Variants in MAOB observed in about 807,000 individuals in gnomAD.
The protein encoded by MAOB is amine oxidase [flavin-containing] B.
MAOB carries 15 observed loss-of-function variants against 41.9 expected under a neutral mutation model. That is an observed-to-expected ratio of 0.36 (90% CI 0.24 to 0.55). MAOB has a LOEUF of 0.55. Ranked by LOEUF, MAOB falls within the 20% of genes least tolerant of loss-of-function variation. MAOB has a pLI of 0.86. For missense variants in MAOB, 345 were observed against 398.7 expected (o/e 0.87, Z 1.15); for synonymous variants, 167 against 144.2 (o/e 1.16, Z -1.13).
intron 12 of MAOB, among the ~76,000 whole-genome samples, chrX:43,772,514 A>C (rs1285414131): frequency 8.9e-6 from 1 of 111,915 alleles, no homozygotes; most frequent in Non-Finnish European, 1.9e-5. Context: ...AAACAAAGCC[A>C]AAAACAAAAG....
rs1056601511 is a variant in MAOB at position 43,870,298 on chromosome X, C to T, written c.46+11956G>A. 2.7e-5 allele frequency among the ~76,000 whole-genome samples: 3 copies of T among 112,052 alleles called. No individual in the cohort carries two copies. The Admixed American group carries it at 2.8e-4, about 11-fold the overall frequency. Reference sequence around the variant, plus strand: ...ATCCATATTTTGAGCACTTCCAGATCGGAGGCTCTAAATTTCAGCTCTGAA... The same window carrying T: ...ATCCATATTTTGAGCACTTCCAGATTGGAGGCTCTAAATTTCAGCTCTGAA... On this transcript the variant is annotated intron_variant, in intron 1 of 14. Coordinates refer to ENST00000378069, the MANE Select transcript of MAOB (RefSeq NM_000898.5).
chrX:43,873,038 T>C (rs2035417916), intron 1 of MAOB, among the ~76,000 whole-genome samples: 1 of 112,536 alleles, frequency 8.9e-6, no homozygotes, highest in African/African-American at 3.2e-5. Context: ...GTGGCCTTTC[T>C]TCTTACCAAA....
intron 1 of MAOB, among the ~76,000 whole-genome samples, chrX:43,865,032 A>G (rs181720023): frequency 9.3e-4 from 104 of 112,212 alleles, no homozygotes; most frequent in African/African-American, 3.3e-3. Flanking sequence ...CTTATGATCT[A>G]GCAGTTTCGC....
intron 2 of MAOB, among the ~76,000 whole-genome samples, chrX:43,843,369 A>T (rs1212836468): frequency 7.3e-5 from 7 of 96,082 alleles, no homozygotes; most frequent in African/African-American, 3.1e-4. Flanking sequence ...ACACACACAC[A>T]CACACACACA....
chrX:43,855,128 C>G (rs1026796364), intron 1 of MAOB, among the ~76,000 whole-genome samples: 1 of 111,388 alleles, frequency 9.0e-6, no homozygotes, highest in Non-Finnish European at 1.9e-5. Flanking sequence ...GTGAACTTGA[C>G]CAGAATAGGT....
intron 3 of MAOB, among the ~76,000 whole-genome samples, chrX:43,811,451 C>G (rs2034745633): frequency 9.0e-6 from 1 of 111,399 alleles, no homozygotes; most frequent in Non-Finnish European, 1.9e-5. Context: ...AAGCCACCTT[C>G]CCCTCTATAA....
At chrX:43,849,547 T>G (rs1244301976) in intron 1 of MAOB, among the ~76,000 whole-genome samples, 1 of 112,831 alleles carries the variant, frequency 8.9e-6, no homozygotes. Flanking sequence ...GCTCACAAGG[T>G]GCATGCAAAC....
chrX:43,861,122 A>T (rs1244047383), intron 1 of MAOB, among the ~76,000 whole-genome samples: 2 of 112,466 alleles, frequency 1.8e-5, no homozygotes, highest in Non-Finnish European at 3.8e-5. Context: ...CTAGACAATA[A>T]GCTCTGTGAA....
intron 3 of MAOB, among the ~76,000 whole-genome samples, chrX:43,811,934 T>A (rs1167002881): frequency 8.9e-6 from 1 of 111,755 alleles, no homozygotes; most frequent in African/African-American, 3.3e-5. Flanking sequence ...TAGGTCTTAT[T>A]CATTCTTTAA....
intron 3 of MAOB, among the ~76,000 whole-genome samples, chrX:43,817,012 G>A (rs953925385): frequency 9.0e-6 from 1 of 111,314 alleles, no homozygotes; most frequent in Non-Finnish European, 1.9e-5. Context: ...AGGTCTTCTA[G>A]TGTAGGATTT....
At chrX:43,812,911 G>T (rs1160224383) in intron 3 of MAOB, among the ~76,000 whole-genome samples, 1 of 111,775 alleles carries the variant, frequency 8.9e-6, no homozygotes, top group African/African-American at 3.3e-5. Flanking sequence ...TGAGAAACCA[G>T]GTGAAGCCCT....
At chrX:43,838,179 T>C (rs776800840) in intron 3 of MAOB, among the ~76,000 whole-genome samples, 40 of 111,844 alleles carry the variant, frequency 3.6e-4, no homozygotes, top group Non-Finnish European at 6.8e-4. Flanking sequence ...TGTGGCGGTC[T>C]GAGAAAAATC....
intron 5 of MAOB, among the ~76,000 whole-genome samples, chrX:43,800,501 T>C (rs1368614578): frequency 9.0e-6 from 1 of 111,681 alleles, no homozygotes; most frequent in Non-Finnish European, 1.9e-5. Flanking sequence ...ATATAATTAA[T>C]AACACGCATT....
intron 12 of MAOB, among the ~76,000 whole-genome samples, chrX:43,773,177 C>T (rs1351441647): frequency 8.9e-6 from 1 of 111,820 alleles, no homozygotes; most frequent in Non-Finnish European, 1.9e-5. Flanking sequence ...TCTCTGCCTC[C>T]TACAACCCTC....
intron 1 of MAOB, among the ~76,000 whole-genome samples, chrX:43,858,682 C>T (rs571956374): frequency 3.6e-5 from 4 of 110,718 alleles, no homozygotes; most frequent in African/African-American, 1.3e-4. Context: ...AAGGAGGATA[C>T]CATGGCAGGC....
intron 1 of MAOB, among the ~76,000 whole-genome samples, chrX:43,873,759 C>A (rs2035422646): frequency 9.0e-6 from 1 of 111,532 alleles, no homozygotes; most frequent in Admixed American, 9.5e-5. Flanking sequence ...TCACTGCAAC[C>A]TCCGCCTCCC....
chrX:43,832,682 A>G (rs772329521), intron 3 of MAOB, among the ~76,000 whole-genome samples: 1 of 112,212 alleles, frequency 8.9e-6, no homozygotes, highest in Non-Finnish European at 1.9e-5. Flanking sequence ...GTTTACCAAC[A>G]TAATTAACAG....
chrX:43,774,125 T>A (rs1401732820), intron 12 of MAOB, among the ~76,000 whole-genome samples: 3 of 111,913 alleles, frequency 2.7e-5, no homozygotes, highest in Non-Finnish European at 5.6e-5. Context: ...GATTAGCCAT[T>A]TCCACTTACC....
At chrX:43,843,620 C>G (rs376911557) in intron 2 of MAOB, 50 bp downstream of exon 2, 33 of 1,145,119 alleles carry the variant, frequency 2.9e-5, no homozygotes, top group Non-Finnish European at 3.5e-5. Context: ...AATGAAACCC[C>G]AAACTCAGCT....
Sources: gnomAD v4.1 joint callset for allele counts (sites outside exome capture counted in the v4.1 genomes callset) on GRCh38, gnomAD v4.1.1 for gene constraint, MANE v1.5 for transcripts, NCBI Gene and HGNC (gene_info 2026-07-23, HGNC 2026-07-21) for gene names.